Variants in DLG2 observed in about 807,000 individuals in gnomAD.
The protein encoded by DLG2 is disks large homolog 2.
A neutral mutation model predicts 132.5 loss-of-function variants in DLG2; 45 were observed. That is an observed-to-expected ratio of 0.34 (90% CI 0.27 to 0.44). The LOEUF is 0.44. Among genes scored for constraint, DLG2 ranks in the 20% least tolerant of loss-of-function variants. DLG2 has a pLI of 1.00. For missense variants in DLG2, 1,045 were observed against 1,196.9 expected, an observed-to-expected ratio of 0.87 and a Z score of 1.87; for synonymous variants, 424 against 419.6, an observed-to-expected ratio of 1.01 and a Z score of -0.13.
intron 21 of DLG2, among the ~76,000 whole-genome samples, chr11:83,487,172 G>T (rs1205041430): frequency 6.6e-6 from 1 of 151,960 alleles, no homozygotes; most frequent in Non-Finnish European, 1.5e-5. Flanking sequence ...CTTAGCTCTA[G>T]ATCCATTGCT....
chr11:84,652,758 C>T, intron 6 of DLG2, among the ~76,000 whole-genome samples: 1 of 152,046 alleles, frequency 6.6e-6, no homozygotes, highest in East Asian at 1.9e-4. Context: ...TATTGTTAGA[C>T]CCATCTTACA....
chr11:85,063,793 T>C (rs547599374), intron 6 of DLG2, among the ~76,000 whole-genome samples: 12 of 151,866 alleles, frequency 7.9e-5, no homozygotes, highest in African/African-American at 1.4e-4. Context: ...CAATGATTTG[T>C]AGTACTTGTG....
chr11:85,498,627 A>G (rs899727068), intron 3 of DLG2, among the ~76,000 whole-genome samples: 1 of 152,194 alleles, frequency 6.6e-6, no homozygotes, highest in African/African-American at 2.4e-5. Context: ...CAGAATATAC[A>G]TTCTTCTCAG....
chr11:84,677,162 G>A (rs1164994437), intron 6 of DLG2, among the ~76,000 whole-genome samples: 1 of 152,030 alleles, frequency 6.6e-6, no homozygotes, highest in Non-Finnish European at 1.5e-5. Context: ...CAACAATCTT[G>A]GTTACGGCAT....
intron 6 of DLG2, among the ~76,000 whole-genome samples, chr11:84,807,409 G>T (rs972979390): frequency 6.6e-6 from 1 of 152,092 alleles, no homozygotes; most frequent in African/African-American, 2.4e-5. Flanking sequence ...TTGTGCCATT[G>T]CACTCCAGCC....
At chr11:84,442,623 T>TACCTATCTAACAAACTTGCAC (rs1222679528) in intron 7 of DLG2, among the ~76,000 whole-genome samples, 6 of 151,938 alleles carry the variant, frequency 3.9e-5, no homozygotes, top group Non-Finnish European at 7.4e-5. Context: ...GGCACATGTA[T>TACCTATCTAACAAACTTGCAC]ACCTATCTAA....
intron 6 of DLG2, among the ~76,000 whole-genome samples, chr11:84,582,694 T>C (rs192990514): frequency 6.6e-6 from 1 of 152,192 alleles, no homozygotes; most frequent in Admixed American, 6.5e-5. Context: ...TGTCTATCAA[T>C]GAATCACAGC....
intron 19 of DLG2, among the ~76,000 whole-genome samples, chr11:83,588,828 A>T (rs1328753415): frequency 4.6e-5 from 7 of 152,226 alleles, no homozygotes; most frequent in African/African-American, 1.4e-4. Flanking sequence ...AAGGCTCGAG[A>T]TCTACATGAA....
At chr11:84,786,481 G>A (rs2072915802) in intron 6 of DLG2, among the ~76,000 whole-genome samples, 1 of 152,144 alleles carries the variant, frequency 6.6e-6, no homozygotes, top group African/African-American at 2.4e-5. Flanking sequence ...CAGCTAGAAA[G>A]AACTACTAGA....
intron 3 of DLG2, among the ~76,000 whole-genome samples, chr11:85,579,193 T>C (rs1402111517): frequency 1.3e-5 from 2 of 151,754 alleles, no homozygotes; most frequent in African/African-American, 4.9e-5. Context: ...TGAGAACACA[T>C]GGATACATAG....
intron 3 of DLG2, among the ~76,000 whole-genome samples, chr11:85,367,426 T>A (rs555552050): frequency 6.6e-6 from 1 of 152,300 alleles, no homozygotes; most frequent in South Asian, 2.1e-4. Context: ...TGAGGATGAG[T>A]TAATTCATTT....
At chr11:85,495,997 G>A (rs922059934) in intron 3 of DLG2, among the ~76,000 whole-genome samples, 2 of 152,170 alleles carry the variant, frequency 1.3e-5, no homozygotes, top group Non-Finnish European at 2.9e-5. Flanking sequence ...CAGAAGACAC[G>A]TGATTTCTGC....
intron 9 of DLG2, among the ~76,000 whole-genome samples, chr11:84,155,661 C>T (rs777243046): frequency 5.3e-5 from 8 of 151,950 alleles, no homozygotes; most frequent in Non-Finnish European, 8.8e-5. Flanking sequence ...TATTTTTCTT[C>T]TCAAATTATT....
intron 8 of DLG2, among the ~76,000 whole-genome samples, chr11:84,213,775 C>T (rs1157367532): frequency 8.2e-5 from 12 of 145,954 alleles, no homozygotes; most frequent in Non-Finnish European, 1.8e-4. Flanking sequence ...GCCGAGACCA[C>T]GCCACTGCAC....
At chr11:84,780,993 T>G (rs1387898285) in intron 6 of DLG2, among the ~76,000 whole-genome samples, 9 of 112,352 alleles carry the variant, frequency 8.0e-5, no homozygotes, top group Non-Finnish European at 1.5e-4. Flanking sequence ...ACTCCAGGAT[T>G]GTACAAAAAA....
At chr11:83,509,594 AT>A (rs2094904020) in intron 21 of DLG2, among the ~76,000 whole-genome samples, 1 of 152,100 alleles carries the variant, frequency 6.6e-6, no homozygotes, top group Admixed American at 6.5e-5. Context: ...CTCTCAAGCC[AT>A]TTCTTTTGTC....
chr11:83,644,183 T>C (rs1210070094), intron 18 of DLG2, among the ~76,000 whole-genome samples: 2 of 152,148 alleles, frequency 1.3e-5, no homozygotes, highest in African/African-American at 4.8e-5. Context: ...AACTATTTAT[T>C]TATCTGTAAG....
At chr11:84,407,667 A>G (rs926222832) in intron 7 of DLG2, among the ~76,000 whole-genome samples, 1 of 152,206 alleles carries the variant, frequency 6.6e-6, no homozygotes, top group African/African-American at 2.4e-5. Flanking sequence ...TGACTTTAAC[A>G]TATCTTATAG....
chr11:84,977,974 T>A (rs2055164400), intron 6 of DLG2, among the ~76,000 whole-genome samples: 1 of 152,218 alleles, frequency 6.6e-6, no homozygotes, highest in African/African-American at 2.4e-5. Flanking sequence ...ACCTTGAGTC[T>A]GGCCTTGAGG....
Sources: gnomAD v4.1 joint callset for allele counts (sites outside exome capture counted in the v4.1 genomes callset) on GRCh38, gnomAD v4.1.1 for gene constraint, MANE v1.5 for transcripts, NCBI Gene and HGNC (gene_info 2026-07-23, HGNC 2026-07-21) for gene names.